The following RAB27B variants were observed in gnomAD, a reference collection of about 807,000 sequenced individuals.
RAB27B encodes the protein ras-related protein Rab-27B.
Under a neutral mutation model 24.6 loss-of-function variants are expected in RAB27B, and 15 were observed. That is an observed-to-expected ratio of 0.61 (90% confidence interval 0.41 to 0.94). The LOEUF (loss-of-function observed/expected upper bound fraction) is 0.94. Ranked by LOEUF, RAB27B falls within the 40% of genes least tolerant of loss-of-function variation. The pLI is 0.00. For missense variants in RAB27B, 261 were observed against 266.8 expected, an observed-to-expected ratio of 0.98 and a Z score of 0.15; for synonymous variants, 105 against 92.5, an observed-to-expected ratio of 1.14 and a Z score of -0.78.
chr18:54,759,705 G>A lies in RAB27B; in HGVS notation c.-20+41564G>A, dbSNP rs183016524. 7.0e-3 allele frequency among the ~76,000 whole-genome samples: 1,069 copies of A among 152,276 alleles called. 14 individuals are homozygous for A. The highest frequency in any genetic ancestry group is 9.5e-3 in the Non-Finnish European group (646 of 68,022). On this transcript the variant is annotated intron_variant, in intron 2 of 4. Transcript: ENST00000586570. ...CCATCCTGTACCCATAAAAAGCCCAGGCTCTACTGGCAGAGGGGCAGCAGA... is the reference window on the plus strand; with the variant it reads ...CCATCCTGTACCCATAAAAAGCCCAAGCTCTACTGGCAGAGGGGCAGCAGA...
At chr18:54,759,901 A>C (rs763718148) in intron 2 of RAB27B, among the ~76,000 whole-genome samples, 31 of 152,038 alleles carry the variant, frequency 2.0e-4, no homozygotes, top group Admixed American at 3.3e-4. Context: ...TCCTTATACC[A>C]CTGAGAGCCA....
intron 2 of RAB27B, among the ~76,000 whole-genome samples, chr18:54,761,686 G>A (rs536750837): frequency 1.9e-4 from 29 of 152,260 alleles, no homozygotes; most frequent in African/African-American, 6.7e-4. Flanking sequence ...AAACTCAAGA[G>A]GCAATAATCC....
chr18:54,775,470 C>T (rs79747722), intron 2 of RAB27B, among the ~76,000 whole-genome samples: 10,056 of 152,198 alleles, frequency 0.066, 452 homozygotes, highest in African/African-American at 0.1. Context: ...GGCTACAAAC[C>T]GGTCATTTCA....
chr18:54,820,019 T>C (rs1043809391), intron 2 of RAB27B, among the ~76,000 whole-genome samples: 4 of 152,202 alleles, frequency 2.6e-5, no homozygotes, highest in African/African-American at 9.6e-5. Context: ...CAGTCTATCA[T>C]TGTTGGACAT....
At position 54,892,154 on chromosome 18, in the gene RAB27B, C is replaced by T. The variant is rs1432859328; in HGVS notation, c.*2741C>T. On this transcript the variant is annotated 3_prime_UTR_variant, in exon 6 of 6. Transcript: ENST00000262094. ...CAAGATATGTCCTGTTACTAAGTAT[C>T]TCCCAATGCTTTAGTAAAACGTATT... 6.6e-6 allele frequency: 1 copy of T among 152,078 alleles called. No individual in the cohort carries two copies. The highest frequency in any genetic ancestry group is 2.4e-5 in the African/African-American group (1 of 41,430). The allele number at this position is 152,078 out of a possible 1,614,324, so 9.4% of individuals were successfully genotyped here.
chr18:54,835,789 C>T (rs896400229), intron 1 of RAB27B, among the ~76,000 whole-genome samples: 16 of 151,954 alleles, frequency 1.1e-4, no homozygotes, highest in African/African-American at 3.9e-4. Flanking sequence ...AGTCACTAGG[C>T]CATCATCAGA....
intron 2 of RAB27B, among the ~76,000 whole-genome samples, chr18:54,756,852 G>A (rs927366865): frequency 6.6e-6 from 1 of 152,130 alleles, no homozygotes; most frequent in Non-Finnish European, 1.5e-5. Context: ...TATCATCATA[G>A]TACTCATCAG....
chr18:54,801,015 T>TG (rs1321902392), intron 2 of RAB27B, among the ~76,000 whole-genome samples: 6 of 142,900 alleles, frequency 4.2e-5, no homozygotes, highest in Admixed American at 1.4e-4. Context: ...TGTGTTTTTT[T>TG]TTTTTTTTTT....
intron 1 of RAB27B, among the ~76,000 whole-genome samples, chr18:54,877,079 T>C (rs1912732523): frequency 6.6e-6 from 1 of 152,216 alleles, no homozygotes; most frequent in Admixed American, 6.5e-5. Flanking sequence ...TTTATCCTCA[T>C]GCTGCTCATG....
chr18:54,870,575 A>G (rs1243872663), intron 1 of RAB27B, among the ~76,000 whole-genome samples: 4 of 152,200 alleles, frequency 2.6e-5, no homozygotes, highest in Admixed American at 2.0e-4. Context: ...AAGCTCTATT[A>G]AGGAAGGATA....
In RAB27B at chr18:54,889,360, A is replaced by C. The variant is rs1913274594; in HGVS notation, c.604A>C (p.Asn202His). ...AATCCCTGATACTGTCAATGGTGGA[A>C]ATTCTGGAAACTTGGATGGGGAAAA... ...TQIPDTVNGG[N>H]SGNLDGEKPP... The change falls in exon 6 of 6, where the codon AAT becomes CAT. Residue 202 changes from asparagine to histidine, a missense_variant. Physicochemically the swap from Asn to His is moderately conservative, Grantham distance 68. Transcript: ENST00000262094. 6.2e-7 allele frequency: 1 copy of C among 1,613,226 alleles called. No homozygotes were observed. The highest frequency in any genetic ancestry group is 1.7e-5 in the Admixed American group (1 of 59,958).
chr18:54,886,513 A>C (rs574495159), intron 4 of RAB27B, among the ~76,000 whole-genome samples: 8 of 152,284 alleles, frequency 5.3e-5, no homozygotes, highest in African/African-American at 1.9e-4. Context: ...TAACCTTGTA[A>C]CTAATGGGGA....
At chr18:54,792,413 T>C (rs569637889) in intron 2 of RAB27B, among the ~76,000 whole-genome samples, 2 of 152,290 alleles carry the variant, frequency 1.3e-5, no homozygotes, top group East Asian at 3.9e-4. Context: ...ATCAGACTCA[T>C]AAGCTAACTT....
chr18:54,814,645 G>A lies in RAB27B; in HGVS notation c.-19-62922G>A, dbSNP rs139355191. On this transcript the variant is annotated intron_variant, in intron 2 of 4. Transcript: ENST00000586570. ...TCCCTCTTCTGTAGATGATAAAAAG[G>A]CAAGGTTTGTTAAGCATATATTTTT... Among the ~76,000 whole-genome samples the A allele has an allele frequency of 5.5e-3, 830 of 152,122 alleles. 8 individuals carry two copies. Among genetic ancestry groups the A allele is most frequent in the African/African-American group, 0.019 (785 of 41,508 alleles).
intron 3 of RAB27B, among the ~76,000 whole-genome samples, chr18:54,881,231 C>T (rs556361221): frequency 2.0e-5 from 3 of 152,220 alleles, no homozygotes; most frequent in African/African-American, 7.2e-5. Flanking sequence ...TGCAAATCGA[C>T]TTGCAGGGAG....
chr18:54,810,330 T>C (rs78308884), intron 2 of RAB27B, among the ~76,000 whole-genome samples: 2,075 of 152,280 alleles, frequency 0.014, 44 homozygotes, highest in African/African-American at 0.047. Flanking sequence ...TAATAATATA[T>C]ATTTATCAGA....
At chr18:54,791,093 A>G (rs1054992223) in intron 2 of RAB27B, among the ~76,000 whole-genome samples, 1 of 152,216 alleles carries the variant, frequency 6.6e-6, no homozygotes, top group Admixed American at 6.5e-5. Flanking sequence ...GACTAATCCA[A>G]GAAGGTATTA....
intron 1 of RAB27B, among the ~76,000 whole-genome samples, chr18:54,867,826 C>G (rs1017268430): frequency 7.2e-5 from 11 of 152,112 alleles, no homozygotes; most frequent in Non-Finnish European, 1.5e-4. Context: ...GTGGGGGAAG[C>G]AAGATTCAGT....
At chr18:54,729,792 T>G (rs941192764) in intron 2 of RAB27B, among the ~76,000 whole-genome samples, 8 of 152,092 alleles carry the variant, frequency 5.3e-5, no homozygotes, top group Admixed American at 2.0e-4. Context: ...TCTAATCAAC[T>G]TTAGATTTAA....
Sources: gnomAD v4.1 joint callset for allele counts (sites outside exome capture counted in the v4.1 genomes callset) on GRCh38, gnomAD v4.1.1 for gene constraint, MANE v1.5 for transcripts, NCBI Gene and HGNC (gene_info 2026-07-23, HGNC 2026-07-21) for gene names.